Variants in NFATC1 observed in about 807,000 individuals in gnomAD.
NFATC1 encodes nuclear factor of activated T cells 1.
A neutral mutation model predicts 76.0 loss-of-function variants in NFATC1; 22 were observed. That is an observed-to-expected ratio of 0.29 (90% confidence interval 0.21 to 0.41). The LOEUF is 0.41. Ranked by LOEUF, NFATC1 falls within the 10% of genes least tolerant of loss-of-function variation. The pLI is 1.00. For missense variants in NFATC1, 1,357 were observed against 1,337.7 expected (o/e 1.01, Z -0.23); for synonymous variants, 704 against 613.1 (o/e 1.15, Z -2.19).
chr18:79,466,474 G>C (rs986801558), intron 7 of NFATC1, among the ~76,000 whole-genome samples: 1 of 152,168 alleles, frequency 6.6e-6, no homozygotes, highest in African/African-American at 2.4e-5. Flanking sequence ...GCCTGAGCAC[G>C]CGGTTGGGGT....
intron 1 of NFATC1, among the ~76,000 whole-genome samples, chr18:79,405,043 C>G (rs984362506): frequency 6.6e-6 from 1 of 152,136 alleles, no homozygotes; most frequent in Admixed American, 6.5e-5. Context: ...CTTGCTGAGG[C>G]CAGTGGGACT....
chr18:79,441,048 C>G (rs199508499), intron 3 of NFATC1, among the ~76,000 whole-genome samples: 1 of 152,238 alleles, frequency 6.6e-6, no homozygotes, highest in East Asian at 1.9e-4. Context: ...AGGCGCTTTG[C>G]TGGGAACAGC....
chr18:79,480,331 G>T (rs1004562747), intron 8 of NFATC1, among the ~76,000 whole-genome samples: 3 of 152,128 alleles, frequency 2.0e-5, no homozygotes, highest in East Asian at 1.9e-4. Context: ...GCCTGTGGGT[G>T]GGGGGACAGG....
chr18:79,411,940 G>A (rs1199154314), intron 2 of NFATC1, among the ~76,000 whole-genome samples: 2 of 152,200 alleles, frequency 1.3e-5, no homozygotes, highest in African/African-American at 4.8e-5. Flanking sequence ...GGCCCCCCTC[G>A]GTGGTTGCCT....
At chr18:79,408,431 T>G (rs1315362382) in intron 1 of NFATC1, among the ~76,000 whole-genome samples, 1 of 152,240 alleles carries the variant, frequency 6.6e-6, no homozygotes, top group Non-Finnish European at 1.5e-5. Context: ...CCTGTTAAAA[T>G]TACTGATTTC....
intron 2 of NFATC1, chr18:79,422,654 C>T (rs2086138766): frequency 6.6e-6 from 1 of 152,290 alleles, no homozygotes; most frequent in Non-Finnish European, 1.5e-5. Context: ...GCCCTGTTCC[C>T]ACTGCCCAGG....
At chr18:79,506,585 C>T (rs921243650) in intron 9 of NFATC1, among the ~76,000 whole-genome samples, 1 of 152,210 alleles carries the variant, frequency 6.6e-6, no homozygotes, top group African/African-American at 2.4e-5. Context: ...GAAGCCATCA[C>T]GTCCAACACA....
At chr18:79,399,174 C>T (rs1428327341) in intron 1 of NFATC1, among the ~76,000 whole-genome samples, 4 of 152,256 alleles carry the variant, frequency 2.6e-5, no homozygotes, top group Non-Finnish European at 5.9e-5. Context: ...AAAACTACAA[C>T]AAAACAACGC....
intron 9 of NFATC1, among the ~76,000 whole-genome samples, chr18:79,492,452 G>A (rs1041640253): frequency 4.6e-5 from 7 of 152,122 alleles, no homozygotes; most frequent in Non-Finnish European, 1.0e-4. Context: ...GCTCAGGCCT[G>A]TAATCCCTGT....
chr18:79,455,711 AC>A (rs1257223908), intron 6 of NFATC1, among the ~76,000 whole-genome samples: 1 of 150,382 alleles, frequency 6.6e-6, no homozygotes, highest in East Asian at 2.0e-4. Context: ...TTCGCCCCAA[AC>A]CCAACATGGT....
At chr18:79,511,355 A>C (rs2090248382) in intron 9 of NFATC1, among the ~76,000 whole-genome samples, 2 of 152,122 alleles carry the variant, frequency 1.3e-5, no homozygotes, top group Non-Finnish European at 2.9e-5. Flanking sequence ...GCACCTCGCC[A>C]CACGATGGGT....
intron 6 of NFATC1, among the ~76,000 whole-genome samples, chr18:79,456,162 G>C (rs1160290484): frequency 3.3e-5 from 5 of 152,194 alleles, no homozygotes; most frequent in African/African-American, 1.2e-4. Context: ...CACTTGCAAG[G>C]ACACGGAACT....
chr18:79,453,682 G>T (rs555673167), intron 6 of NFATC1, among the ~76,000 whole-genome samples: 3 of 152,240 alleles, frequency 2.0e-5, no homozygotes, highest in Non-Finnish European at 4.4e-5. Flanking sequence ...CCGGCGTCTG[G>T]TATACAGCAG....
In NFATC1 at chr18:79,529,015, A is replaced by G. The variant is rs998859030; in HGVS notation, c.*1438A>G. The G allele has an allele frequency of 6.6e-6, 1 of 152,582 alleles. No homozygotes were observed. The highest frequency in any genetic ancestry group is 2.4e-5 in the African/African-American group (1 of 41,466). 9.5% of individuals were successfully genotyped at this position (152,582 alleles called of 1,614,324 possible). ...GGCTCCGGCTGTGAAGTCACTGAAC[A>G]GAACGTCGCTGATGGAGAAAGGGCT... On this transcript the variant is annotated 3_prime_UTR_variant, in exon 10 of 10. Transcript: ENST00000427363.
chr18:79,510,401 C>T (rs1010447645), intron 9 of NFATC1, among the ~76,000 whole-genome samples: 5 of 152,120 alleles, frequency 3.3e-5, no homozygotes, highest in East Asian at 1.9e-4. Flanking sequence ...ACAGTTGAAG[C>T]GAGAAGTTAA....
Position 79,527,522 on chromosome 18 carries a change from T to C in NFATC1, c.2783-6T>C. On this transcript the variant is annotated splice_polypyrimidine_tract_variant and splice_region_variant and intron_variant, in intron 9 of 9. Coordinates refer to ENST00000427363, the MANE Select transcript of NFATC1 (RefSeq NM_001278669.2). ...TAATACTTTCTCAATTTTTCTTTTC[T>C]TACAGTAAATGAAATAATACGAAAT... 2 of 1,613,014 alleles carry C rather than the reference T, an allele frequency of 1.2e-6. No homozygotes were observed.
rs1336631307 is a variant in NFATC1 at position 79,410,435 on chromosome 18, C to T, written c.160C>T (p.Pro54Ser). 3 of 1,611,754 alleles carry T rather than the reference C, an allele frequency of 1.9e-6. No homozygotes were observed. Among genetic ancestry groups the T allele is most frequent in the Admixed American group, 3.3e-5 (2 of 59,970 alleles). ...HYGYASSNVS[P>S]ALPLPTAHST... ...TGGCTATGCATCCTCCAACGTCAGC[C>T]CCGCCCTGCCGCTCCCCACGGCGCA... The change falls in exon 2 of 10, where the codon CCC (proline) becomes TCC (serine). Residue 54 changes from proline (P) to serine (S), a missense_variant. Coordinates refer to ENST00000427363, the MANE Select transcript of NFATC1 (RefSeq NM_001278669.2). This position sits in a 1 kb window ranked among gnomAD's most constrained non-coding sequence, Gnocchi z 6.7.
chr18:79,480,592 G>A (rs1438572154), intron 8 of NFATC1, among the ~76,000 whole-genome samples: 1 of 152,104 alleles, frequency 6.6e-6, no homozygotes, highest in Non-Finnish European at 1.5e-5. Context: ...AGAGATGCGG[G>A]GGTTAATGCC....
intron 9 of NFATC1, among the ~76,000 whole-genome samples, chr18:79,520,734 ATGTG>A (rs1422011841): frequency 2.2e-5 from 1 of 45,950 alleles, no homozygotes; most frequent in Non-Finnish European, 3.8e-5. Context: ...GCATCCACTG[ATGTG>A]TGTGTCTGTG....
Sources: gnomAD v4.1 joint callset for allele counts (sites outside exome capture counted in the v4.1 genomes callset) on GRCh38, gnomAD v4.1.1 for gene constraint, Gnocchi (gnomAD v3.1) non-coding constraint, MANE v1.5 for transcripts, NCBI Gene and HGNC (gene_info 2026-07-23, HGNC 2026-07-21) for gene names.